Variants in SGCZ observed in about 807,000 individuals in gnomAD.
SGCZ encodes zeta-sarcoglycan.
A neutral mutation model predicts 41.3 loss-of-function variants in SGCZ; 40 were observed. That is an observed-to-expected ratio of 0.97 (90% CI 0.75 to 1.26). The LOEUF is 1.26. SGCZ is among the 50% of genes most tolerant of loss of function. The probability of loss-of-function intolerance (pLI) is 0.00; values close to 1 mark genes in which losing one functional copy is unlikely to be tolerated. For missense variants in SGCZ, 552 were observed against 369.8 expected (o/e 1.49, Z -4.04); for synonymous variants, 206 against 137.5 (o/e 1.50, Z -3.49).
intron 1 of SGCZ, among the ~76,000 whole-genome samples, chr8:14,907,636 GT>G (rs1799159811): frequency 6.6e-6 from 1 of 152,106 alleles, no homozygotes; most frequent in Non-Finnish European, 1.5e-5. Context: ...GAGGCCAGAA[GT>G]TCAAGTCCAA....
At chr8:14,431,755 G>T (rs984558814) in intron 2 of SGCZ, among the ~76,000 whole-genome samples, 4 of 151,968 alleles carry the variant, frequency 2.6e-5, no homozygotes, top group African/African-American at 4.8e-5. Flanking sequence ...AACCCACAGA[G>T]CGGGAGAAAA....
At chr8:14,607,795 G>A (rs1342972221) in intron 1 of SGCZ, among the ~76,000 whole-genome samples, 2 of 147,664 alleles carry the variant, frequency 1.4e-5, no homozygotes, top group African/African-American at 5.0e-5. Context: ...ACTGACAGAT[G>A]GAAGCACATA....
intron 1 of SGCZ, among the ~76,000 whole-genome samples, chr8:15,050,408 T>C (rs924375488): frequency 1.3e-5 from 2 of 152,140 alleles, no homozygotes; most frequent in East Asian, 3.9e-4. Context: ...AGGGATCGCC[T>C]GGAGAGTGTA....
At chr8:14,703,433 A>G (rs1351946750) in intron 1 of SGCZ, among the ~76,000 whole-genome samples, 1 of 151,912 alleles carries the variant, frequency 6.6e-6, no homozygotes, top group Non-Finnish European at 1.5e-5. Context: ...GTCAGACCAT[A>G]TGAGAGATTT....
intron 1 of SGCZ, among the ~76,000 whole-genome samples, chr8:14,978,337 C>T (rs1049436644): frequency 3.0e-5 from 4 of 132,094 alleles, no homozygotes; most frequent in Non-Finnish European, 4.7e-5. Flanking sequence ...GGCGTGGTGC[C>T]ATGGGTACCT....
Position 14,113,832 on chromosome 8 carries a change from G to A in SGCZ, c.548-5597C>T, listed in dbSNP as rs148259433. On this transcript the variant is annotated intron_variant, in intron 5 of 7. Transcript: ENST00000382080. Reference sequence around the variant, plus strand: ...ATTTCTTAGGATTTACTGCTTAGCAGTTGTGTGGATTTTACATTTCAGTGA... The same window carrying A: ...ATTTCTTAGGATTTACTGCTTAGCAATTGTGTGGATTTTACATTTCAGTGA... Among the ~76,000 whole-genome samples, 1,040 of 152,118 alleles carry A rather than the reference G, an allele frequency of 6.8e-3. 5 individuals are homozygous for A. Among genetic ancestry groups the A allele is most frequent in the Non-Finnish European group, 0.011 (755 of 67,900 alleles).
At chr8:15,064,622 ACATT>A (rs1202935954) in intron 1 of SGCZ, among the ~76,000 whole-genome samples, 1 of 151,420 alleles carries the variant, frequency 6.6e-6, no homozygotes, top group Non-Finnish European at 1.5e-5. Flanking sequence ...CCAGATCACC[ACATT>A]CAGACAATCA....
At chr8:14,972,768 T>C (rs1425326364) in intron 1 of SGCZ, among the ~76,000 whole-genome samples, 1 of 152,176 alleles carries the variant, frequency 6.6e-6, no homozygotes, top group Non-Finnish European at 1.5e-5. Flanking sequence ...AGTCTTACGA[T>C]AGCATACGTC....
chr8:14,923,450 A>T (rs977403324), intron 1 of SGCZ, among the ~76,000 whole-genome samples: 1 of 152,212 alleles, frequency 6.6e-6, no homozygotes. Flanking sequence ...GGTATCAGTT[A>T]ACTGAACTGA....
intron 1 of SGCZ, among the ~76,000 whole-genome samples, chr8:15,076,619 C>A (rs1221590708): frequency 1.3e-5 from 2 of 152,106 alleles, no homozygotes; most frequent in African/African-American, 4.8e-5. Context: ...CCTTCTTTGT[C>A]TCCTGCTACA....
chr8:14,873,670 A>G (rs1252355195), intron 1 of SGCZ, among the ~76,000 whole-genome samples: 1 of 152,120 alleles, frequency 6.6e-6, no homozygotes, highest in Non-Finnish European at 1.5e-5. Flanking sequence ...CAGCAAGAAT[A>G]AAGATGAGAA....
chr8:14,623,242 A>G lies in SGCZ; in HGVS notation c.40-68316T>C, dbSNP rs566555780. On this transcript the variant is annotated intron_variant, in intron 1 of 7. Coordinates refer to ENST00000382080, the MANE Select transcript of SGCZ (RefSeq NM_139167.4). Reference sequence around the variant, plus strand: ...AAAGAAAAGTTAGAAATTCAAATCAAGCTTGCAAAACAAATTAAGTAGCAG... The same window carrying G: ...AAAGAAAAGTTAGAAATTCAAATCAGGCTTGCAAAACAAATTAAGTAGCAG... Among the ~76,000 whole-genome samples, 3 of 152,234 alleles carry G rather than the reference A, an allele frequency of 2.0e-5. No homozygotes were observed. The South Asian group carries it at 6.2e-4, about 31-fold the overall frequency.
chr8:15,023,263 T>C (rs1803322492), intron 1 of SGCZ, among the ~76,000 whole-genome samples: 1 of 152,208 alleles, frequency 6.6e-6, no homozygotes, highest in South Asian at 2.1e-4. Context: ...TTGACTATCA[T>C]GGTGGCTCTT....
chr8:14,511,421 G>C (rs1007372048), intron 2 of SGCZ, among the ~76,000 whole-genome samples: 9 of 151,928 alleles, frequency 5.9e-5, no homozygotes, highest in Admixed American at 2.6e-4. Flanking sequence ...TACTGCCTAA[G>C]AGCCAGAGAA....
At chr8:14,661,750 T>A (rs1460537970) in intron 1 of SGCZ, among the ~76,000 whole-genome samples, 2 of 151,990 alleles carry the variant, frequency 1.3e-5, no homozygotes, top group African/African-American at 4.8e-5. Flanking sequence ...GAACAATGAA[T>A]GGGAGAAGAA....
chr8:14,969,925 G>T (rs1801237092), intron 1 of SGCZ, among the ~76,000 whole-genome samples: 1 of 152,014 alleles, frequency 6.6e-6, no homozygotes, highest in Admixed American at 6.6e-5. Context: ...TCAACGTCAA[G>T]AAATTGCCAA....
intron 1 of SGCZ, among the ~76,000 whole-genome samples, chr8:14,783,445 A>G (rs974508188): frequency 1.3e-5 from 2 of 151,968 alleles, no homozygotes; most frequent in Non-Finnish European, 2.9e-5. Context: ...AAAAAAAAAA[A>G]GAAGGAAAGA....
At chr8:14,792,231 CAT>C (rs1321543595) in intron 1 of SGCZ, among the ~76,000 whole-genome samples, 7 of 152,170 alleles carry the variant, frequency 4.6e-5, no homozygotes, top group Non-Finnish European at 8.8e-5. Context: ...ACGGTTATAA[CAT>C]ATGTGATTAT....
intron 1 of SGCZ, among the ~76,000 whole-genome samples, chr8:15,042,515 CA>C: frequency 6.6e-6 from 1 of 152,286 alleles, no homozygotes; most frequent in Non-Finnish European, 1.5e-5. Flanking sequence ...TAGCAAGATT[CA>C]AAGGTGACCT....
Sources: gnomAD v4.1 joint callset for allele counts (sites outside exome capture counted in the v4.1 genomes callset) on GRCh38, gnomAD v4.1.1 for gene constraint, MANE v1.5 for transcripts, NCBI Gene and HGNC (gene_info 2026-07-23, HGNC 2026-07-21) for gene names.